CALN1: variants seen among roughly 807,000 people sequenced by gnomAD.
CALN1 encodes calneuron 1.
In CALN1, 17 loss-of-function variants were observed where a neutral mutation model predicts 30.6. The observed-to-expected ratio is 0.56, with a 90% confidence interval of 0.38 to 0.83. CALN1 has a LOEUF of 0.83. Ranked by LOEUF, CALN1 falls within the 40% of genes least tolerant of loss-of-function variation. The probability of loss-of-function intolerance (pLI) is 0.00; values close to 1 mark genes in which losing one functional copy is unlikely to be tolerated. For missense variants in CALN1, 291 were observed against 354.9 expected (o/e 0.82, Z 1.45); for synonymous variants, 156 against 131.4 (o/e 1.19, Z -1.28).
chr7:72,443,821 T>C (rs1196927092), intron 1 of CALN1, among the ~76,000 whole-genome samples: 1 of 151,488 alleles, frequency 6.6e-6, no homozygotes, highest in Non-Finnish European at 1.5e-5. Context: ...TATTCACTTT[T>C]ATGATGATGA....
intron 4 of CALN1, among the ~76,000 whole-genome samples, chr7:72,061,597 G>A (rs1486915576): frequency 6.6e-6 from 1 of 151,666 alleles, no homozygotes; most frequent in African/African-American, 2.4e-5. Context: ...AGAAGAGCTA[G>A]TGAATTTGAA....
At chr7:72,178,434 T>C (rs1355215623) in intron 3 of CALN1, among the ~76,000 whole-genome samples, 1 of 152,174 alleles carries the variant, frequency 6.6e-6, no homozygotes, top group Non-Finnish European at 1.5e-5. Flanking sequence ...GGCTCATGTC[T>C]GTAATCCCAG....
At chr7:71,846,669 T>C (rs573349058) in intron 5 of CALN1, among the ~76,000 whole-genome samples, 22 of 151,452 alleles carry the variant, frequency 1.5e-4, no homozygotes, top group African/African-American at 4.6e-4. Context: ...CAATATTCTG[T>C]GGGGTTTTAT....
chr7:72,472,209 A>T, the CALN1 span, among the ~76,000 whole-genome samples: 2 of 152,174 alleles, frequency 1.3e-5, no homozygotes, highest in Non-Finnish European at 2.9e-5. Flanking sequence ...TTTCTCAGCC[A>T]TAGTCACCAA....
intron 5 of CALN1, among the ~76,000 whole-genome samples, chr7:71,960,948 C>T (rs544661808): frequency 1.6e-4 from 25 of 152,162 alleles, no homozygotes; most frequent in Non-Finnish European, 3.4e-4. Context: ...TCCTGAGTAG[C>T]TGGGATCACA....
At chr7:72,156,448 G>A (rs573762901) in intron 3 of CALN1, among the ~76,000 whole-genome samples, 18 of 152,178 alleles carry the variant, frequency 1.2e-4, no homozygotes, top group Non-Finnish European at 2.6e-4. Context: ...ATGGAGAGTA[G>A]GCAGTCGGGC....
chr7:72,158,739 G>T (rs1405058890), intron 3 of CALN1, among the ~76,000 whole-genome samples: 2 of 152,182 alleles, frequency 1.3e-5, no homozygotes, highest in East Asian at 1.9e-4. Context: ...AGGCATTAAG[G>T]GTAGTGGAGC....
chr7:72,332,210 G>A (rs759129436), intron 2 of CALN1, among the ~76,000 whole-genome samples: 7 of 152,106 alleles, frequency 4.6e-5, no homozygotes, highest in African/African-American at 9.7e-5. Flanking sequence ...TGTAGAGCAG[G>A]GCTATTCCCT....
chr7:72,076,611 CAAAAAAA>C (rs572245834), intron 4 of CALN1, among the ~76,000 whole-genome samples: 32 of 6,122 alleles, frequency 5.2e-3, no homozygotes, highest in African/African-American at 0.015. Context: ...AAAAAAAAAG[CAAAAAAA>C]AAAAAAAAAA....
chr7:71,832,994 T>C (rs1789383565), intron 5 of CALN1, among the ~76,000 whole-genome samples: 1 of 152,200 alleles, frequency 6.6e-6, no homozygotes, highest in African/African-American at 2.4e-5. Context: ...CCATTCTACT[T>C]AGTGGCTGCT....
At chr7:72,239,015 T>A (rs1284293484) in intron 3 of CALN1, among the ~76,000 whole-genome samples, 1 of 152,180 alleles carries the variant, frequency 6.6e-6, no homozygotes, top group Non-Finnish European at 1.5e-5. Context: ...TTAAACAGCC[T>A]GACTCTTCAC....
In CALN1 at chr7:71,890,207, C is replaced by T. The variant is rs374407316; in HGVS notation, c.502-79715G>A. 3.9e-5 allele frequency among the ~76,000 whole-genome samples: 6 copies of T among 152,252 alleles called. No homozygotes were observed. In the East Asian group the frequency reaches 5.8e-4, roughly 15 times the overall value. ...GCAGCCTCAAACTCCTGGGCTCAGGCGATCCTCCCGCCTCAGCCTCCCAAA... is the reference window on the plus strand; with the variant it reads ...GCAGCCTCAAACTCCTGGGCTCAGGTGATCCTCCCGCCTCAGCCTCCCAAA... On this transcript the variant is annotated intron_variant, in intron 5 of 6. Transcript: ENST00000395275.
chr7:72,132,831 C>T (rs141717090), intron 3 of CALN1, among the ~76,000 whole-genome samples: 184 of 152,164 alleles, frequency 1.2e-3, no homozygotes, highest in African/African-American at 3.3e-3. Flanking sequence ...CCCCAGGCTA[C>T]GGACCAATTT....
intron 3 of CALN1, among the ~76,000 whole-genome samples, chr7:72,148,477 T>A (rs1786956060): frequency 6.6e-6 from 1 of 151,856 alleles, no homozygotes; most frequent in Non-Finnish European, 1.5e-5. Context: ...GTGCCTGTAG[T>A]CCCAGCTACT....
Position 72,025,224 on chromosome 7 carries a change from C to T in CALN1, c.389-1455G>A, listed in dbSNP as rs184463326. Among the ~76,000 whole-genome samples the T allele has an allele frequency of 1.7e-3, 258 of 152,138 alleles. 1 individual carries two copies. The highest frequency in any genetic ancestry group is 1.2e-3 in the Non-Finnish European group (80 of 67,992). On this transcript the variant is annotated intron_variant, in intron 4 of 6. Coordinates refer to ENST00000395275, the MANE Select transcript of CALN1 (RefSeq NM_031468.4). ...ACTTGGGAGGCTGAGGCAGGAGAAT[C>T]GCTTGAATCTGGGAGGCGGAGGTTG...
intron 3 of CALN1, among the ~76,000 whole-genome samples, chr7:72,115,198 ATT>A (rs200935013): frequency 0.015 from 2,267 of 147,636 alleles, 49 homozygotes; most frequent in African/African-American, 0.053. Context: ...AATTATATAT[ATT>A]AATGTATAAT....
intron 5 of CALN1, among the ~76,000 whole-genome samples, chr7:71,812,366 G>A (rs1788006448): frequency 6.6e-6 from 1 of 152,180 alleles, no homozygotes; most frequent in African/African-American, 2.4e-5. Context: ...CCGGAGCCAG[G>A]CAGTGAAAAA....
intron 5 of CALN1, among the ~76,000 whole-genome samples, chr7:71,970,645 A>G (rs1797748768): frequency 6.6e-6 from 1 of 151,752 alleles, no homozygotes; most frequent in African/African-American, 2.4e-5. Context: ...CAGGCAATAC[A>G]ACATTCTCTG....
intron 3 of CALN1, among the ~76,000 whole-genome samples, chr7:72,165,950 G>A (rs1000795985): frequency 2.0e-5 from 3 of 152,130 alleles, no homozygotes; most frequent in Non-Finnish European, 4.4e-5. Flanking sequence ...ACTATGTGGG[G>A]CTGCTACCCA....
Sources: gnomAD v4.1 joint callset for allele counts (sites outside exome capture counted in the v4.1 genomes callset) on GRCh38, gnomAD v4.1.1 for gene constraint, MANE v1.5 for transcripts, NCBI Gene and HGNC (gene_info 2026-07-23, HGNC 2026-07-21) for gene names.